Variants in ZMIZ1 observed in about 807,000 individuals in gnomAD.
The protein encoded by ZMIZ1 is zinc finger MIZ-type containing 1.
A neutral mutation model predicts 113.9 loss-of-function variants in ZMIZ1; 17 were observed. The observed-to-expected ratio is 0.15, with a 90% CI of 0.10 to 0.22. ZMIZ1 has a LOEUF of 0.22. Among genes scored for constraint, ZMIZ1 ranks in the 10% least tolerant of loss-of-function variants. ZMIZ1 has a pLI of 1.00. For synonymous variants in ZMIZ1, 607 were observed against 603.1 expected (o/e 1.01, Z -0.09); for missense variants, 1,059 against 1,477.8 (o/e 0.72, Z 4.65).
rs1273129993 is a variant in ZMIZ1 at position 79,220,491 on chromosome 10, G to A, written c.280+4217G>A. 6.6e-5 allele frequency among the ~76,000 whole-genome samples: 10 copies of A among 152,272 alleles called. No homozygotes were observed. The East Asian group carries it at 1.4e-3, about 21-fold the overall frequency. Reference sequence around the variant, plus strand: ...ACCTGCCCAGCCCACTTCCAGGGAGGCCTCTGCAGTTCCAGAGCTCGCTCC... The same window carrying A: ...ACCTGCCCAGCCCACTTCCAGGGAGACCTCTGCAGTTCCAGAGCTCGCTCC... On this transcript the variant is annotated intron_variant, in intron 7 of 24. Coordinates refer to ENST00000334512, the MANE Select transcript of ZMIZ1 (RefSeq NM_020338.4).
intron 8 of ZMIZ1, among the ~76,000 whole-genome samples, chr10:79,281,682 CTGG>C (rs1852746267): frequency 6.6e-6 from 1 of 152,204 alleles, no homozygotes; most frequent in Non-Finnish European, 1.5e-5. Context: ...TCGCTGAGTA[CTGG>C]TGGCTAACCA....
chr10:79,310,094 TAGAG>T (rs1303210285), intron 23 of ZMIZ1, among the ~76,000 whole-genome samples: 5 of 152,252 alleles, frequency 3.3e-5, no homozygotes, highest in African/African-American at 9.6e-5. Flanking sequence ...AGTTATCTGT[TAGAG>T]AGGCACCGCC....
intron 7 of ZMIZ1, among the ~76,000 whole-genome samples, chr10:79,246,376 CAG>C (rs746991308): frequency 1.6e-4 from 24 of 152,340 alleles, no homozygotes; most frequent in South Asian, 6.2e-4. Context: ...TCCTCAGGAA[CAG>C]AGAGTTCTGT....
chr10:79,309,971 G>A (rs1353151978), intron 23 of ZMIZ1, among the ~76,000 whole-genome samples: 1 of 152,196 alleles, frequency 6.6e-6, no homozygotes, highest in Non-Finnish European at 1.5e-5. Context: ...CTTTGAAGGA[G>A]GATCTGCTTG....
chr10:79,163,221 C>T lies in ZMIZ1; in HGVS notation c.-50+1088C>T, dbSNP rs149892940. ...TCCCCTGCTGCCCTCAGCGTCCCTC[C>T]TGGAGCTTAGCGCTTCCAGGGGCCT... On this transcript the variant is annotated intron_variant, in intron 4 of 24. Coordinates refer to ENST00000334512, the MANE Select transcript of ZMIZ1 (RefSeq NM_020338.4). Among the ~76,000 whole-genome samples, 634 of 152,350 alleles carry T rather than the reference C, an allele frequency of 4.2e-3. 8 individuals are homozygous for T. Among genetic ancestry groups the T allele is most frequent in the African/African-American group, 0.015 (609 of 41,590 alleles).
At chr10:79,165,770 T>G (rs1003123961) in intron 4 of ZMIZ1, among the ~76,000 whole-genome samples, 4 of 152,086 alleles carry the variant, frequency 2.6e-5, no homozygotes, top group African/African-American at 9.7e-5. Context: ...TTGGCGGCCA[T>G]GCCTCCTGCC....
At chr10:79,074,184 G>A (rs543339102) in intron 1 of ZMIZ1, among the ~76,000 whole-genome samples, 5 of 152,190 alleles carry the variant, frequency 3.3e-5, no homozygotes, top group South Asian at 2.1e-4. Context: ...GGTTCAGAGC[G>A]GTCAAACAAC....
chr10:79,100,784 G>A (rs1843339903), intron 1 of ZMIZ1, among the ~76,000 whole-genome samples: 1 of 152,194 alleles, frequency 6.6e-6, no homozygotes. Context: ...TAGGGGGTGA[G>A]GATGGTGGTC....
chr10:79,163,344 G>A (rs1410225696), intron 4 of ZMIZ1, among the ~76,000 whole-genome samples: 1 of 152,254 alleles, frequency 6.6e-6, no homozygotes, highest in East Asian at 1.9e-4. Context: ...TCTGCTGATT[G>A]GCTGCATGAC....
chr10:79,247,112 C>T (rs1850251456), intron 7 of ZMIZ1, among the ~76,000 whole-genome samples: 1 of 152,234 alleles, frequency 6.6e-6, no homozygotes, highest in South Asian at 2.1e-4. Flanking sequence ...CTCCCATGGC[C>T]CTGACCTGAC....
At chr10:79,255,911 C>T (rs1031984192) in intron 7 of ZMIZ1, among the ~76,000 whole-genome samples, 11 of 152,212 alleles carry the variant, frequency 7.2e-5, no homozygotes, top group African/African-American at 2.4e-5. Flanking sequence ...CATTGTAAAT[C>T]GGAAGACAAT....
chr10:79,240,268 C>T (rs1355966544), intron 7 of ZMIZ1, among the ~76,000 whole-genome samples: 1 of 152,232 alleles, frequency 6.6e-6, no homozygotes, highest in Non-Finnish European at 1.5e-5. Context: ...TCACCAAGTG[C>T]CTGTGAGCTG....
intron 4 of ZMIZ1, among the ~76,000 whole-genome samples, chr10:79,182,492 A>T (rs977686917): frequency 6.6e-6 from 1 of 152,078 alleles, no homozygotes; most frequent in African/African-American, 2.4e-5. Flanking sequence ...GTGCAGCAGC[A>T]TTGGTTCTGG....
chr10:79,114,521 G>GTA (rs1843928311), intron 1 of ZMIZ1, among the ~76,000 whole-genome samples: 1 of 147,308 alleles, frequency 6.8e-6, no homozygotes, highest in Non-Finnish European at 1.5e-5. Context: ...GTGTGTGTGT[G>GTA]TGTGTGTGTG....
At chr10:79,280,757 T>C (rs1208138472) in intron 8 of ZMIZ1, among the ~76,000 whole-genome samples, 1 of 126,758 alleles carries the variant, frequency 7.9e-6, no homozygotes, top group African/African-American at 2.9e-5. Flanking sequence ...CACATTTGAG[T>C]CTCACCTTTG....
intron 1 of ZMIZ1, among the ~76,000 whole-genome samples, chr10:79,102,323 G>A (rs1404609910): frequency 6.6e-6 from 1 of 152,248 alleles, no homozygotes; most frequent in Non-Finnish European, 1.5e-5. Context: ...AGCCTTCAGA[G>A]GGCTGTGGGC....
chr10:79,181,010 A>G (rs1847101644), intron 4 of ZMIZ1, among the ~76,000 whole-genome samples: 1 of 152,166 alleles, frequency 6.6e-6, no homozygotes, highest in South Asian at 2.1e-4. Context: ...GAGTGAAGGG[A>G]AGTGACTCAT....
intron 7 of ZMIZ1, among the ~76,000 whole-genome samples, chr10:79,268,656 C>T (rs112344815): frequency 0.022 from 3,397 of 152,318 alleles, 138 homozygotes; most frequent in African/African-American, 0.077. Context: ...CTCATGCTGT[C>T]GCTACGGAGC....
rs556311376 is a variant in ZMIZ1, at chr10:79,315,872, T to C, written c.*3123T>C. On this transcript the variant is annotated 3_prime_UTR_variant, in exon 25 of 25. Transcript: ENST00000334512. ...AACAAAACAAAACAAAAAAAAAAGC[T>C]TGGAACTCCATCACGTGGAAAAACT... 1 of 152,836 alleles carries C rather than the reference T, an allele frequency of 6.5e-6. No homozygotes were observed. The highest frequency in any genetic ancestry group is 1.9e-4 in the East Asian group (1 of 5,328). The allele number at this position is 152,836 out of a possible 1,614,324, so 9.5% of individuals were successfully genotyped here.
Sources: gnomAD v4.1 joint callset for allele counts (sites outside exome capture counted in the v4.1 genomes callset) on GRCh38, gnomAD v4.1.1 for gene constraint, MANE v1.5 for transcripts, NCBI Gene and HGNC (gene_info 2026-07-23, HGNC 2026-07-21) for gene names.